KCNT2: variants seen among roughly 807,000 people sequenced by gnomAD.
KCNT2 encodes the protein potassium sodium-activated channel subfamily T member 2.
KCNT2 carries 67 observed loss-of-function variants against 153.8 expected under a neutral mutation model. That is an observed-to-expected ratio of 0.44 (90% CI 0.36 to 0.53). KCNT2 has a LOEUF of 0.53. Ranked by LOEUF, KCNT2 falls within the 20% of genes least tolerant of loss-of-function variation. The pLI, the probability that KCNT2 is intolerant of heterozygous loss-of-function variation, is 0.00. For missense variants in KCNT2, 975 were observed against 1,354.8 expected (o/e 0.72, Z 4.40); for synonymous variants, 500 against 458.8 (o/e 1.09, Z -1.15).
chr1:196,314,262 G>C (rs188160981), intron 21 of KCNT2, among the ~76,000 whole-genome samples: 162 of 151,382 alleles, frequency 1.1e-3, no homozygotes, highest in African/African-American at 3.5e-3. Context: ...AAAGACCTAG[G>C]ATCCTCTTTT....
intron 14 of KCNT2, among the ~76,000 whole-genome samples, chr1:196,367,998 T>C (rs2148305795): frequency 6.6e-6 from 1 of 152,060 alleles, no homozygotes; most frequent in East Asian, 1.9e-4. Context: ...GACTATAGGG[T>C]AAAGATGTTG....
At chr1:196,360,579 G>A (rs1314592197) in intron 14 of KCNT2, among the ~76,000 whole-genome samples, 1 of 152,050 alleles carries the variant, frequency 6.6e-6, no homozygotes, top group African/African-American at 2.4e-5. Context: ...TTTGAGATGT[G>A]ATTAAATTGA....
At chr1:196,255,943 AGTTTCAGT>A in intron 26 of KCNT2, among the ~76,000 whole-genome samples, 1 of 152,070 alleles carries the variant, frequency 6.6e-6, no homozygotes, top group Admixed American at 6.6e-5. Flanking sequence ...ATAAGGTCAG[AGTTTCAGT>A]TCCTCCTGCA....
At chr1:196,509,377 T>A (rs1181639419) in intron 1 of KCNT2, among the ~76,000 whole-genome samples, 1 of 151,540 alleles carries the variant, frequency 6.6e-6, no homozygotes, top group Admixed American at 6.6e-5. Context: ...GGCATATTAA[T>A]ACAATGGAAA....
chr1:196,398,276 T>A (rs1671118146), intron 13 of KCNT2, among the ~76,000 whole-genome samples: 1 of 151,514 alleles, frequency 6.6e-6, no homozygotes, highest in Non-Finnish European at 1.5e-5. Flanking sequence ...ATATTATGCA[T>A]AAATCTACTA....
intron 1 of KCNT2, among the ~76,000 whole-genome samples, chr1:196,544,810 C>CT (rs1210291588): frequency 6.6e-6 from 1 of 152,122 alleles, no homozygotes; most frequent in Non-Finnish European, 1.5e-5. Flanking sequence ...CGAGCTTGCA[C>CT]TTTCATGTCT....
intron 25 of KCNT2, among the ~76,000 whole-genome samples, chr1:196,276,498 C>T (rs1281880060): frequency 6.6e-6 from 1 of 151,998 alleles, no homozygotes; most frequent in African/African-American, 2.4e-5. Flanking sequence ...TTCTGACCTG[C>T]TCTAGGTCTC....
At chr1:196,250,031 A>T (rs2102293095) in intron 26 of KCNT2, among the ~76,000 whole-genome samples, 1 of 152,210 alleles carries the variant, frequency 6.6e-6, no homozygotes, top group African/African-American at 2.4e-5. Flanking sequence ...TATCCAAAAC[A>T]ATCTACAGAT....
rs1664748471 is a variant in KCNT2, at chr1:196,334,030, C to T, written c.1814G>A (p.Ser605Asn). ...GTVAIDLQDTSCRSASGPTLS... is the reference protein window; with the variant it reads ...GTVAIDLQDTNCRSASGPTLS... ...GGTAGGGCCACTTGCTGATCTACAG[C>T]TTGTATCTTGCAAGTCTATAGCCAC... The change falls in exon 17 of 28, where the codon AGC (serine) becomes AAC (asparagine). Residue 605 changes from serine (S) to asparagine (N), a missense_variant. Coordinates refer to ENST00000294725, the MANE Select transcript of KCNT2 (RefSeq NM_198503.5). 2.5e-6 allele frequency: 4 copies of T among 1,612,976 alleles called. No homozygotes were observed. The highest frequency in any genetic ancestry group is 1.7e-5 in the Admixed American group (1 of 59,892).
intron 17 of KCNT2, among the ~76,000 whole-genome samples, chr1:196,333,094 GTT>G (rs199829441): frequency 2.1e-5 from 3 of 141,750 alleles, no homozygotes; most frequent in Non-Finnish European, 3.1e-5. Context: ...CCAGCTGCAA[GTT>G]TTTTTTTTTT....
chr1:196,412,702 G>A (rs115420587), intron 12 of KCNT2, among the ~76,000 whole-genome samples: 8,741 of 151,510 alleles, frequency 0.058, 390 homozygotes, highest in Non-Finnish European at 0.085. Context: ...GCTGATTTTG[G>A]AAATTTTGAG....
chr1:196,354,537 A>T (rs1424840349), intron 14 of KCNT2, among the ~76,000 whole-genome samples: 1 of 151,844 alleles, frequency 6.6e-6, no homozygotes, highest in African/African-American at 2.4e-5. Context: ...ATATAACTAC[A>T]GAAATTTTTG....
At chr1:196,300,500 A>G (rs1661082990) in intron 22 of KCNT2, among the ~76,000 whole-genome samples, 1 of 152,068 alleles carries the variant, frequency 6.6e-6, no homozygotes, top group Non-Finnish European at 1.5e-5. Context: ...AGGTCATAAG[A>G]TCCTCATTCC....
At chr1:196,418,138 C>T (rs757308995) in intron 12 of KCNT2, among the ~76,000 whole-genome samples, 1 of 151,882 alleles carries the variant, frequency 6.6e-6, no homozygotes, top group Non-Finnish European at 1.5e-5. Flanking sequence ...TCTAACCACT[C>T]ATTGCTAATT....
intron 25 of KCNT2, among the ~76,000 whole-genome samples, chr1:196,279,864 C>T (rs945166005): frequency 5.3e-5 from 8 of 151,804 alleles, no homozygotes; most frequent in African/African-American, 1.9e-4. Context: ...AAATCTACCC[C>T]GTTATCTTTA....
chr1:196,320,955 A>G (rs1663248400), intron 19 of KCNT2, among the ~76,000 whole-genome samples: 1 of 149,846 alleles, frequency 6.7e-6, no homozygotes, highest in Non-Finnish European at 1.5e-5. Context: ...TGGTATTCAC[A>G]TCTTCCGAAG....
intron 8 of KCNT2, among the ~76,000 whole-genome samples, chr1:196,457,913 C>A (rs919425056): frequency 6.6e-6 from 1 of 151,826 alleles, no homozygotes. Flanking sequence ...TAGATTTGAG[C>A]TCTTTGCAGT....
intron 14 of KCNT2, among the ~76,000 whole-genome samples, chr1:196,343,503 CAGATCACA>C (rs892805030): frequency 3.9e-5 from 6 of 152,116 alleles, no homozygotes; most frequent in Middle Eastern, 3.4e-3. Flanking sequence ...TGGATCAAAA[CAGATCACA>C]AGACATTACA....
chr1:196,496,836 T>C (rs554920686), intron 1 of KCNT2, among the ~76,000 whole-genome samples: 1 of 152,268 alleles, frequency 6.6e-6, no homozygotes, highest in East Asian at 1.9e-4. Flanking sequence ...TCACCTAACT[T>C]GCACGTTTGG....
Sources: allele counts gnomAD v4.1 joint callset (sites outside exome capture counted in the v4.1 genomes callset), GRCh38; gene constraint gnomAD v4.1.1; transcripts MANE v1.5; gene names NCBI Gene and HGNC (gene_info 2026-07-23, HGNC 2026-07-21).